Variants in PRKACB observed in about 807,000 individuals in gnomAD.
PRKACB encodes cAMP-dependent protein kinase catalytic subunit beta.
A neutral mutation model predicts 51.4 loss-of-function variants in PRKACB; 16 were observed. The ratio of observed to expected loss-of-function variants is 0.31; its 90% CI spans 0.21 to 0.47. The LOEUF is 0.47. Ranked by LOEUF, PRKACB falls within the 20% of genes least tolerant of loss-of-function variation. PRKACB has a pLI of 1.00. For synonymous variants in PRKACB, 147 were observed against 154.4 expected, an observed-to-expected ratio of 0.95 and a Z score of 0.35; for missense variants, 309 against 464.5, an observed-to-expected ratio of 0.67 and a Z score of 3.08.
intron 1 of PRKACB, among the ~76,000 whole-genome samples, chr1:84,117,396 A>G (rs779885941): frequency 1.3e-5 from 2 of 152,070 alleles, no homozygotes; most frequent in Non-Finnish European, 2.9e-5. Context: ...TCCTTAGTAC[A>G]TTTGGTAGAA....
At chr1:84,126,627 T>G (rs1651638495) in intron 1 of PRKACB, among the ~76,000 whole-genome samples, 1 of 152,174 alleles carries the variant, frequency 6.6e-6, no homozygotes, top group African/African-American at 2.4e-5. Flanking sequence ...GTTCTCACTT[T>G]GGACTGCAGG....
At chr1:84,230,170 C>T (rs1675370868) in intron 9 of PRKACB, among the ~76,000 whole-genome samples, 1 of 151,834 alleles carries the variant, frequency 6.6e-6, no homozygotes, top group Non-Finnish European at 1.5e-5. Context: ...GTTTTCCCAG[C>T]ACCATTTATT....
intron 9 of PRKACB, among the ~76,000 whole-genome samples, chr1:84,214,841 C>G (rs1425310629): frequency 6.6e-6 from 1 of 152,134 alleles, no homozygotes; most frequent in Non-Finnish European, 1.5e-5. Context: ...GACCATCAAC[C>G]TGAAATGTTT....
chr1:84,205,287 CA>C (rs1425217389), intron 8 of PRKACB: 38 of 976,020 alleles, frequency 3.9e-5, no homozygotes, highest in Non-Finnish European at 4.5e-5. Context: ...TCATCTGTTT[CA>C]AAACTCAAAT....
intron 1 of PRKACB, among the ~76,000 whole-genome samples, chr1:84,094,715 CACACAT>C (rs1369770436): frequency 6.6e-6 from 1 of 152,008 alleles, no homozygotes; most frequent in East Asian, 1.9e-4. Context: ...CTCTCTCACA[CACACAT>C]ACACATACAC....
chr1:84,163,074 C>T (rs939726391), intron 1 of PRKACB, among the ~76,000 whole-genome samples: 1 of 151,856 alleles, frequency 6.6e-6, no homozygotes, highest in African/African-American at 2.4e-5. Flanking sequence ...CTAGGGATTG[C>T]CCTGTGTCTC....
At chr1:84,161,273 T>C (rs1352825754) in intron 1 of PRKACB, among the ~76,000 whole-genome samples, 1 of 151,928 alleles carries the variant, frequency 6.6e-6, no homozygotes, top group Non-Finnish European at 1.5e-5. Flanking sequence ...AATATTGATA[T>C]AGGCATTCCA....
rs551410133 is a variant in PRKACB, at chr1:84,121,046, T to G, written c.46+42675T>G. Among the ~76,000 whole-genome samples, 11 of 152,240 alleles carry G rather than the reference T, an allele frequency of 7.2e-5. No homozygotes were observed. The South Asian group carries it at 1.9e-3, about 26-fold the overall frequency. The stretch of plus-strand genomic sequence containing the variant: ...CTTGTACTAGCTATCACGAGTTTTA[T>G]GTATCTTTGTTATTGTTACTATTTT... On this transcript the variant is annotated intron_variant, in intron 1 of 8. Coordinates refer to the PRKACB transcript ENST00000370688.
chr1:84,201,429 A>C (rs960974841), intron 7 of PRKACB, among the ~76,000 whole-genome samples: 1 of 152,038 alleles, frequency 6.6e-6, no homozygotes, highest in Non-Finnish European at 1.5e-5. Flanking sequence ...TACCTTGGGT[A>C]TTAACTTGTG....
intron 1 of PRKACB, among the ~76,000 whole-genome samples, chr1:84,082,092 G>A (rs1647585128): frequency 6.6e-6 from 1 of 152,214 alleles, no homozygotes; most frequent in Non-Finnish European, 1.5e-5. Context: ...AAACTGTAAA[G>A]CACTTGAGTT....
chr1:84,138,365 A>C (rs1001524754), intron 1 of PRKACB, among the ~76,000 whole-genome samples: 8 of 152,220 alleles, frequency 5.3e-5, no homozygotes, highest in African/African-American at 1.9e-4. Context: ...TACAGGCATT[A>C]AAAGAGTAAT....
intron 9 of PRKACB, among the ~76,000 whole-genome samples, chr1:84,218,822 A>G (rs1241830653): frequency 1.3e-5 from 2 of 152,060 alleles, no homozygotes; most frequent in Non-Finnish European, 2.9e-5. Flanking sequence ...TGCCTTTTTG[A>G]TAATAGCCAT....
intron 1 of PRKACB, among the ~76,000 whole-genome samples, chr1:84,124,409 C>G (rs1328566154): frequency 6.6e-6 from 1 of 152,132 alleles, no homozygotes; most frequent in Non-Finnish European, 1.5e-5. Context: ...AACTTTACAG[C>G]CTTTCATATC....
chr1:84,234,211 C>G (rs1676291013), intron 9 of PRKACB, among the ~76,000 whole-genome samples: 1 of 152,184 alleles, frequency 6.6e-6, no homozygotes, highest in African/African-American at 2.4e-5. Flanking sequence ...GGGGTGCCTC[C>G]CAGTTAGGCT....
At chr1:84,176,519 A>G (rs1661311300) in intron 1 of PRKACB, among the ~76,000 whole-genome samples, 1 of 151,768 alleles carries the variant, frequency 6.6e-6, no homozygotes, top group African/African-American at 2.4e-5. Context: ...ATTAACTTAT[A>G]TTTTTACAAA....
At chr1:84,171,339 G>A (rs1659407676) in intron 1 of PRKACB, among the ~76,000 whole-genome samples, 1 of 151,476 alleles carries the variant, frequency 6.6e-6, no homozygotes, top group Non-Finnish European at 1.5e-5. Context: ...AAAGATACAT[G>A]AGAATCAAAG....
rs756248538 is a variant in PRKACB at position 84,214,320 on chromosome 1, G to A, written c.1071+3G>A. 4.5e-6 allele frequency: 7 copies of A among 1,562,512 alleles called. No individual in the cohort carries two copies. The highest frequency in any genetic ancestry group is 1.2e-5 in the South Asian group (1 of 83,236). On this transcript the variant is annotated splice_donor_region_variant and intron_variant, in intron 9 of 9. Coordinates refer to ENST00000370685, the MANE Select transcript of PRKACB (RefSeq NM_182948.4). The stretch of plus-strand genomic sequence containing the variant: ...GGATTGCTATTTACCAGAGGAAGGT[G>A]AGACTTTCTTTTTTAATTTAAAAGC...
At chr1:84,147,920 A>G (rs554226733) in intron 1 of PRKACB, among the ~76,000 whole-genome samples, 1 of 152,270 alleles carries the variant, frequency 6.6e-6, no homozygotes, top group South Asian at 2.1e-4. Flanking sequence ...TGGGGAGCCA[A>G]TGCAGTTTTT....
intron 1 of PRKACB, among the ~76,000 whole-genome samples, chr1:84,100,191 C>G (rs1649233603): frequency 6.6e-6 from 1 of 152,048 alleles, no homozygotes; most frequent in Non-Finnish European, 1.5e-5. Context: ...GAAGAACTGT[C>G]AAACACTTAT....
Sources: gnomAD v4.1 joint callset for allele counts (sites outside exome capture counted in the v4.1 genomes callset) on GRCh38, gnomAD v4.1.1 for gene constraint, MANE v1.5 for transcripts, NCBI Gene and HGNC (gene_info 2026-07-23, HGNC 2026-07-21) for gene names.